BTN3A2: variants seen among roughly 807,000 people sequenced by gnomAD.
BTN3A2 encodes butyrophilin subfamily 3 member A2, also known as butyrophilin protein.
A neutral mutation model predicts 37.6 loss-of-function variants in BTN3A2; 25 were observed. The ratio of observed to expected loss-of-function variants is 0.66; its 90% CI spans 0.48 to 0.93. BTN3A2 has a LOEUF of 0.93. BTN3A2 is among the 40% of genes least tolerant of loss of function. BTN3A2 has a pLI of 0.00. For missense variants in BTN3A2, 266 were observed against 410.9 expected, an observed-to-expected ratio of 0.65 and a Z score of 3.05; for synonymous variants, 122 against 159.4, an observed-to-expected ratio of 0.77 and a Z score of 1.77.
In BTN3A2 at chr6:26,370,431, C is replaced by A. The variant is rs9393711; in HGVS notation, c.543C>A (p.Asn181Lys). 6.2e-7 allele frequency: 1 copy of A among 1,613,440 alleles called. No individual in the cohort carries two copies. Among genetic ancestry groups the A allele is most frequent in the African/African-American group, 1.3e-5 (1 of 74,886 alleles). Residue 181 changes from asparagine (N) to lysine (K), a missense_variant, in exon 5 of 11, where the codon AAC becomes AAA. By Grantham distance (94) the Asn-to-Lys change is moderately conservative. Transcript: ENST00000377708. The part of the protein sequence containing the change: ...WYPQPQIQWS[N>K]AKGENIPAVE... The stretch of plus-strand genomic sequence containing the variant: ...CCCAACCCCAAATACAGTGGAGCAA[C>A]GCCAAGGGAGAGAACATCCCAGCTG...
intron 7 of BTN3A2, 33 bp downstream of exon 7, chr6:26,373,329 G>T: frequency 6.3e-7 from 1 of 1,589,852 alleles, no homozygotes; most frequent in South Asian, 1.1e-5. Flanking sequence ...ATCCAGACAT[G>T]TCTTCCTATC....
At chr6:26,372,834 G>A (rs1760248440) in intron 5 of BTN3A2, 63 bp from the exon 6 acceptor site, 2 of 1,594,746 alleles carry the variant, frequency 1.3e-6, no homozygotes, top group African/African-American at 1.3e-5. Flanking sequence ...AAAGCTTGGG[G>A]TGCTGCAGGC....
rs1296789277 is a variant in BTN3A2 at position 26,377,428 on chromosome 6, A to T, written c.*1666A>T. ...GTATTGACTTTACAAAGCAGACAGGAATAGTGAACAACAGAGCTGGGATCT... is the reference window on the plus strand; with the variant it reads ...GTATTGACTTTACAAAGCAGACAGGTATAGTGAACAACAGAGCTGGGATCT... On this transcript the variant is annotated 3_prime_UTR_variant, in exon 11 of 11. Coordinates refer to ENST00000377708, the MANE Select transcript of BTN3A2 (RefSeq NM_007047.5). The T allele has an allele frequency of 2.2e-6, 1 of 464,394 alleles. No homozygotes were observed. The highest frequency in any genetic ancestry group is 4.0e-6 in the Non-Finnish European group (1 of 252,418). The allele number at this position is 464,394 out of a possible 1,614,324, so 28.8% of individuals were successfully genotyped here.
intron 10 of BTN3A2, 117 bp downstream of exon 10, chr6:26,374,915 G>T (rs2073528): frequency 1.8e-6 from 2 of 1,093,992 alleles, no homozygotes; most frequent in East Asian, 2.4e-5. Flanking sequence ...GACTTCCTTC[G>T]TGGGTAGGAA....
Position 26,375,923 on chromosome 6 carries a change from G to T in BTN3A2, c.*161G>T. On this transcript the variant is annotated 3_prime_UTR_variant, in exon 11 of 11. Coordinates refer to ENST00000377708, the MANE Select transcript of BTN3A2 (RefSeq NM_007047.5). ...GAGTGAAGATTGAAAATTAACCTCT[G>T]AGGGCCAGCACAGCAGCTCATGCCT... is the stretch of plus-strand genomic sequence containing the variant. The T allele has an allele frequency of 1.4e-6, 2 of 1,462,342 alleles. No individual in the cohort carries two copies. Among genetic ancestry groups the T allele is most frequent in the Non-Finnish European group, 1.9e-6 (2 of 1,070,738 alleles). The allele number at this position is 1,462,342 out of a possible 1,614,324, so 90.6% of individuals were successfully genotyped here. A position where few individuals can be genotyped will look rare whatever the true frequency, so the allele number is the denominator to read the frequency against.
intron 5 of BTN3A2, among the ~76,000 whole-genome samples, chr6:26,372,219 A>G (rs1760187474): frequency 6.6e-6 from 1 of 151,722 alleles, no homozygotes; most frequent in Non-Finnish European, 1.5e-5. Flanking sequence ...AAATAAGAAT[A>G]TATTTTAATT....
chr6:26,370,155 C>G (rs1759954020), intron 4 of BTN3A2, among the ~76,000 whole-genome samples, 167 bp from the exon 5 acceptor site: 1 of 152,174 alleles, frequency 6.6e-6, no homozygotes, highest in African/African-American at 2.4e-5. Flanking sequence ...CCCTGGGATA[C>G]TGCACTAGCA....
Position 26,374,797 on chromosome 6 carries a change from T to C in BTN3A2, c.*33T>C. 1 of 1,524,060 alleles carries C rather than the reference T, an allele frequency of 6.6e-7. No individual in the cohort carries two copies. Among genetic ancestry groups the C allele is most frequent in the Non-Finnish European group, 9.1e-7 (1 of 1,100,438 alleles). The allele number at this position is 1,524,060 out of a possible 1,614,324, so 94.4% of individuals were successfully genotyped here. A position where few individuals can be genotyped will look rare whatever the true frequency, so the allele number is the denominator to read the frequency against. On this transcript the variant is annotated splice_region_variant and 3_prime_UTR_variant, in exon 10 of 11. Coordinates refer to ENST00000377708, the MANE Select transcript of BTN3A2 (RefSeq NM_007047.5). ...ATGGAAAAATGGCCCTCTTCAAGCCTGGTGAGTAAATCACTGCATGTTCCC... is the reference window on the plus strand; with the variant it reads ...ATGGAAAAATGGCCCTCTTCAAGCCCGGTGAGTAAATCACTGCATGTTCCC...
chr6:26,377,057 T>G lies in BTN3A2; in HGVS notation c.*1295T>G. Reference sequence around the variant, plus strand: ...AGCCTCTGTATCCTGTATTCAGAATTTTGACCTTGGAGCCCACTGCCCTGA... The same window carrying G: ...AGCCTCTGTATCCTGTATTCAGAATGTTGACCTTGGAGCCCACTGCCCTGA... On this transcript the variant is annotated 3_prime_UTR_variant, in exon 11 of 11. Coordinates refer to ENST00000377708, the MANE Select transcript of BTN3A2 (RefSeq NM_007047.5). The G allele has an allele frequency of 2.2e-6, 3 of 1,393,852 alleles. No homozygotes were observed. The highest frequency in any genetic ancestry group is 3.1e-6 in the Non-Finnish European group (3 of 982,980). 86.3% of individuals were successfully genotyped at this position (1,393,852 alleles called of 1,614,324 possible). A position where few individuals can be genotyped will look rare whatever the true frequency, so the allele number is the denominator to read the frequency against.
chr6:26,372,061 C>G (rs1466012332), intron 5 of BTN3A2, among the ~76,000 whole-genome samples: 1 of 152,096 alleles, frequency 6.6e-6, no homozygotes. Context: ...AACTTCCATA[C>G]AAGGGAATAC....
rs780914370 is a variant in BTN3A2, at chr6:26,374,363, C to G, written c.1001C>G (p.Ala334Gly). Residue 334 changes from alanine (A) to glycine (G), a missense_variant, in exon 9 of 11, where the codon GCC (alanine) becomes GGC (glycine). Ala to Gly is a moderately conservative substitution (Grantham distance 60, BLOSUM62 0). This residue lies in a region of BTN3A2 where 204 missense variants were observed against 232.6 expected (regional missense o/e 0.88). Transcript: ENST00000377708. ...TCTTCGTCCGATACCAATAAGTCAG[C>G]CTGATGCTCTGTAAGTTTGCTGGGT... Reference protein sequence around the residue: ...EESSSDTNKSA With the variant: ...EESSSDTNKSG 6.2e-7 allele frequency: 1 copy of G among 1,613,808 alleles called. No individual in the cohort carries two copies. The highest frequency in any genetic ancestry group is 8.5e-7 in the Non-Finnish European group (1 of 1,179,810).
At chr6:26,375,339 G>T in intron 10 of BTN3A2, 1 of 358,012 alleles carries the variant, frequency 2.8e-6, no homozygotes, top group East Asian at 5.3e-5. Context: ...TAGCCTGGGA[G>T]GGCTAAAAAG....
intron 8 of BTN3A2, 57 bp downstream of exon 8, chr6:26,373,470 T>C (rs1760353307): frequency 3.2e-6 from 5 of 1,568,818 alleles, no homozygotes; most frequent in Admixed American, 3.9e-5. Flanking sequence ...CTCTGCTTCA[T>C]TATTTTCCAG....
At chr6:26,369,684 G>C (rs1364861167) in intron 4 of BTN3A2, among the ~76,000 whole-genome samples, 1 of 152,152 alleles carries the variant, frequency 6.6e-6, no homozygotes, top group Non-Finnish European at 1.5e-5. Context: ...GCTGTGGTTT[G>C]GACAATGTTC....
At chr6:26,369,396 C>A (rs970595155) in intron 4 of BTN3A2, among the ~76,000 whole-genome samples, 7 of 152,170 alleles carry the variant, frequency 4.6e-5, no homozygotes, top group Admixed American at 3.9e-4. Flanking sequence ...TGAGGAAGAA[C>A]ACACATCATG....
rs533837684 is a variant in BTN3A2 at position 26,366,773 on chromosome 6, G to A, written c.-66-1217G>A. Among the ~76,000 whole-genome samples the A allele has an allele frequency of 2.6e-5, 4 of 152,302 alleles. No homozygotes were observed. The South Asian group carries it at 8.3e-4, about 32-fold the overall frequency. On this transcript the variant is annotated intron_variant, in intron 1 of 10. Coordinates refer to ENST00000377708, the MANE Select transcript of BTN3A2 (RefSeq NM_007047.5). ...CCTCCATCTGCAGACCTTGTTCTCAGAGGCCATTCCCAGACCCACAGCAGC... is the reference window on the plus strand; with the variant it reads ...CCTCCATCTGCAGACCTTGTTCTCAAAGGCCATTCCCAGACCCACAGCAGC...
chr6:26,370,495 G>A lies in BTN3A2; in HGVS notation c.607G>A (p.Glu203Lys). 2 of 1,614,218 alleles carry A rather than the reference G, an allele frequency of 1.2e-6. No individual in the cohort carries two copies. Among genetic ancestry groups the A allele is most frequent in the Non-Finnish European group, 1.7e-6 (2 of 1,180,036 alleles). The change falls in exon 5 of 11, where the codon GAA becomes AAA. Residue 203 changes from glutamate (E) to lysine (K), a missense_variant. By Grantham distance (56) the Glu-to-Lys change is moderately conservative (BLOSUM62 1). Coordinates refer to ENST00000377708, the MANE Select transcript of BTN3A2 (RefSeq NM_007047.5). ...PVVADGVGLY[E>K]VAASVIMRGG... ...GGTTGCAGATGGAGTGGGCCTATAT[G>A]AAGTAGCAGCATCTGTGATCATGAG...
chr6:26,374,234 AAAAAAAGACT>A, intron 8 of BTN3A2, 83 bp from the exon 9 acceptor site: 1 of 492,018 alleles, frequency 2.0e-6, no homozygotes. Flanking sequence ...AAAAAAAAAA[AAAAAAAGACT>A]AGATGGATGC....
At position 26,376,502 on chromosome 6, in the gene BTN3A2, C is replaced by G; in HGVS notation, c.*740C>G. 1 of 1,256,794 alleles carries G rather than the reference C, an allele frequency of 8.0e-7. No individual in the cohort carries two copies. The highest frequency in any genetic ancestry group is 1.1e-6 in the Non-Finnish European group (1 of 931,794). 77.9% of individuals were successfully genotyped at this position (1,256,794 alleles called of 1,614,324 possible). ...AGGACCTCCTCAGCATGGCCCAAGC[C>G]TTGCATGCTGTGGCTCTTAAATCCA... On this transcript the variant is annotated 3_prime_UTR_variant, in exon 11 of 11. Transcript: ENST00000377708.
Sources: gnomAD v4.1 joint callset for allele counts (sites outside exome capture counted in the v4.1 genomes callset) on GRCh38, gnomAD v4.1.1 for gene constraint, gnomAD v4.1.1 regional missense constraint, MANE v1.5 for transcripts, NCBI Gene and HGNC (gene_info 2026-07-23, HGNC 2026-07-21) for gene names.